The following MAMDC4 variants were observed in gnomAD, a reference collection of about 807,000 sequenced individuals.
The protein encoded by MAMDC4 is MAM domain containing 4.
In MAMDC4, 168 loss-of-function variants were observed where a neutral mutation model predicts 153.3. The observed-to-expected ratio is 1.10, with a 90% CI of 0.97 to 1.25. The LOEUF is 1.25. Among genes scored for constraint, MAMDC4 ranks in the 50% most tolerant of loss-of-function variants. The pLI, the probability that MAMDC4 is intolerant of heterozygous loss-of-function variation, is 0.00. For missense variants in MAMDC4, 1,701 were observed against 1,542.8 expected, an observed-to-expected ratio of 1.10 and a Z score of -1.72; for synonymous variants, 744 against 651.5, an observed-to-expected ratio of 1.14 and a Z score of -2.16.
In MAMDC4 at chr9:136,858,484, G is replaced by A. The variant is rs2131238878; in HGVS notation, c.2759G>A (p.Gly920Glu). The change falls in exon 22 of 27, where the codon GGG becomes GAG. Residue 920 changes from glycine (G) to glutamate (E), a missense_variant. Physicochemically the swap from Gly to Glu is moderately conservative, Grantham distance 98 (BLOSUM62 -2). Transcript: ENST00000317446. Reference protein sequence around the residue: ...GLGGYSWDWGGGATPSRYPQP... With the variant: ...GLGGYSWDWGEGATPSRYPQP... ...GGCGGATACAGCTGGGACTGGGGCGGGGGAGCCACCCCCTCTCGTTACCCC... is the reference window on the plus strand; with the variant it reads ...GGCGGATACAGCTGGGACTGGGGCGAGGGAGCCACCCCCTCTCGTTACCCC... 4 of 1,608,938 alleles carry A rather than the reference G, an allele frequency of 2.5e-6. No homozygotes were observed. Among genetic ancestry groups the A allele is most frequent in the African/African-American group, 1.3e-5 (1 of 74,986 alleles).
chr9:136,852,466 A>G lies in MAMDC4; in HGVS notation c.46+4A>G, dbSNP rs1204947942. 3.7e-6 allele frequency: 6 copies of G among 1,609,684 alleles called. No individual in the cohort carries two copies. The East Asian group carries it at 6.7e-5, about 18-fold the overall frequency. On this transcript the variant is annotated splice_donor_region_variant and intron_variant, in intron 1 of 26. Transcript: ENST00000317446. ...CCCGCCTTGGTCCTGTTCCTGGGTA[A>G]GTAGTCTGGTCCCACTCCTGAGGCA...
chr9:136,852,818 C>T (rs1473868189), intron 1 of MAMDC4, among the ~76,000 whole-genome samples: 2 of 152,198 alleles, frequency 1.3e-5, no homozygotes, highest in East Asian at 1.9e-4. Context: ...TCCCAGTGCC[C>T]AGTTCCCTGC....
chr9:136,854,410 G>A, intron 7 of MAMDC4, 74 bp downstream of exon 7: 1 of 1,494,264 alleles, frequency 6.7e-7, no homozygotes, highest in Non-Finnish European at 8.9e-7. Context: ...CACTCATCCA[G>A]GAGGGGGTGC....
At position 136,857,512 on chromosome 9, in the gene MAMDC4, G is replaced by C; in HGVS notation, c.2252G>C (p.Trp751Ser). The C allele has an allele frequency of 6.2e-7, 1 of 1,610,552 alleles. No individual in the cohort carries two copies. The highest frequency in any genetic ancestry group is 1.6e-4 in the Middle Eastern group (1 of 6,062). Residue 751 changes from tryptophan to serine, a missense_variant, in exon 18 of 27, where the codon TGG becomes TCG. By Grantham distance (177) the Trp-to-Ser change is radical. Coordinates refer to ENST00000317446, the MANE Select transcript of MAMDC4 (RefSeq NM_206920.3). ...CGFSPGGQGL[W>S]RRQANASGHA... ...TTCTCCCCTGGAGGCCAAGGTCTCT[G>C]GAGGCGGCAGGCCAATGCCTCGGGC...
Position 136,860,612 on chromosome 9 carries a change from A to G in MAMDC4, c.*9A>G. On this transcript the variant is annotated 3_prime_UTR_variant, in exon 27 of 27. Transcript: ENST00000317446. Reference sequence around the variant, plus strand: ...TCACCAGTGATCCGTAGACCACCCCAGACAAGGCCCCGCTTCCTCACGTGA... The same window carrying G: ...TCACCAGTGATCCGTAGACCACCCCGGACAAGGCCCCGCTTCCTCACGTGA... 1 of 1,613,286 alleles carries G rather than the reference A, an allele frequency of 6.2e-7. No homozygotes were observed. Among genetic ancestry groups the G allele is most frequent in the Non-Finnish European group, 8.5e-7 (1 of 1,179,836 alleles).
rs1449251915 is a variant in MAMDC4, at chr9:136,856,137, AGCCAGCCCCGAGGT to A, written c.1709_1720+2del. ...ACTCCACCTGGCTTATTATTTACAG[AGCCAGCCCCGAGGT>A]ACCGCCACACTCCGCAAGTTCCCTG... On this transcript the variant is annotated splice_donor_variant and coding_sequence_variant, in exon 14 of 27. Transcript: ENST00000317446. LOFTEE classifies it high-confidence loss of function. 1 of 1,612,048 alleles carries A rather than the reference AGCCAGCCCCGAGGT, an allele frequency of 6.2e-7. No individual in the cohort carries two copies. The highest frequency in any genetic ancestry group is 2.2e-5 in the East Asian group (1 of 44,874).
Position 136,860,013 on chromosome 9 carries a change from G to C in MAMDC4, c.3321G>C (p.Gln1107His). Residue 1107 changes from glutamine to histidine, a missense_variant, in exon 26 of 27, where the codon CAG becomes CAC. Gln to His is a conservative substitution (Grantham distance 24, BLOSUM62 0). Coordinates refer to ENST00000317446, the MANE Select transcript of MAMDC4 (RefSeq NM_206920.3). ...WLQKKGSCPF[Q>H]SNTEATAPGF... ...AGAAGAAGGGGAGCTGCCCCTTCCA[G>C]AGCAACACAGAGGCCACAGCCCCTG... 1 of 1,609,832 alleles carries C rather than the reference G, an allele frequency of 6.2e-7. No individual in the cohort carries two copies. The highest frequency in any genetic ancestry group is 8.5e-7 in the Non-Finnish European group (1 of 1,178,598).
At chr9:136,856,425 C>G in intron 14 of MAMDC4, 1 of 789,180 alleles carries the variant, frequency 1.3e-6, no homozygotes. Context: ...GGAGCGGGCC[C>G]TGACTTAACC....
intron 7 of MAMDC4, 64 bp from the exon 8 acceptor site, chr9:136,854,475 C>G: frequency 6.5e-7 from 1 of 1,547,522 alleles, no homozygotes; most frequent in Non-Finnish European, 8.7e-7. Context: ...CCCCCTGGAG[C>G]TGGGGCCATA....
Position 136,853,901 on chromosome 9 carries a change from C to A in MAMDC4, c.579C>A (p.Asp193Glu). ...LAVTTGRIRG[D>E]FRVTFSATRN... ...TGACCACAGGCCGCATCCGGGGTGA[C>A]TTCCGAGTGAGCTGGGAGGGTCTGG... The change falls in exon 5 of 27, where the codon GAC (aspartate) becomes GAA (glutamate). Residue 193 changes from aspartate (D) to glutamate (E), a missense_variant. By Grantham distance (45) the Asp-to-Glu change is conservative. Transcript: ENST00000317446. 1 of 1,612,658 alleles carries A rather than the reference C, an allele frequency of 6.2e-7. No individual in the cohort carries two copies. The highest frequency in any genetic ancestry group is 8.5e-7 in the Non-Finnish European group (1 of 1,179,802).
rs1848970123 is a variant in MAMDC4, at chr9:136,854,272, C to T, written c.732C>T (p.Pro244=). The T allele has an allele frequency of 1.9e-6, 3 of 1,610,080 alleles. No individual in the cohort carries two copies. The highest frequency in any genetic ancestry group is 2.2e-5 in the East Asian group (1 of 44,770). Residue 244 remains proline (P), a synonymous_variant, in exon 7 of 27, where the codon CCC becomes CCT. Transcript: ENST00000317446. ...HHCQNKVCVE[P]QQLCDGEDNC... is the part of the protein sequence containing the mutation. ...GCCAGAACAAGGTCTGCGTGGAGCC[C>T]CAGCAGCTGTGCGACGGGGAAGACA...
At position 136,854,770 on chromosome 9, in the gene MAMDC4, C is replaced by T. The variant is rs377443370; in HGVS notation, c.943C>T (p.Leu315=). 1 of 1,612,674 alleles carries T rather than the reference C, an allele frequency of 6.2e-7. No individual in the cohort carries two copies. Among genetic ancestry groups the T allele is most frequent in the Middle Eastern group, 1.6e-4 (1 of 6,084 alleles). The change falls in exon 9 of 27, where the codon CTG becomes TTG. Residue 315 remains leucine, a synonymous_variant. Transcript: ENST00000317446. ...CCCGTCCTTTCCCGCAGGCTCCTTC[C>T]TGGTCTCCGTGGCCGAGCCTGGCAC... is the stretch of plus-strand genomic sequence containing the variant. ...HSRNSAQGSF[L]VSVAEPGTPA...
chr9:136,859,332 G>T lies in MAMDC4; in HGVS notation c.3193+15G>T, dbSNP rs759283603. The T allele has an allele frequency of 2.5e-6, 4 of 1,598,362 alleles. No homozygotes were observed. Among genetic ancestry groups the T allele is most frequent in the Admixed American group, 1.7e-5 (1 of 57,740 alleles). ...CCCCAGCCCGGGTGAGCCCTGGGCT[G>T]CAGTGGAGGCACGGAGGAGGGCCCA... On this transcript the variant is annotated intron_variant, in intron 25 of 26. Coordinates refer to ENST00000317446, the MANE Select transcript of MAMDC4 (RefSeq NM_206920.3).
chr9:136,856,302 C>T (rs1344559151), intron 14 of MAMDC4, 153 bp downstream of exon 14: 2 of 1,245,112 alleles, frequency 1.6e-6, no homozygotes, highest in Non-Finnish European at 2.4e-6. Context: ...CGGGAGCTGG[C>T]ATGGCAGGCC....
intron 14 of MAMDC4, chr9:136,856,414 T>TGGAGC (rs1450736221): frequency 6.3e-6 from 5 of 792,694 alleles, no homozygotes; most frequent in African/African-American, 5.0e-5. Flanking sequence ...GGAGCTCCGC[T>TGGAGC]GGAGCGGGCC....
chr9:136,855,101 C>T lies in MAMDC4; in HGVS notation c.1188C>T (p.Tyr396=), dbSNP rs1323086840. 2 of 1,576,584 alleles carry T rather than the reference C, an allele frequency of 1.3e-6. No individual in the cohort carries two copies. The highest frequency in any genetic ancestry group is 3.7e-5 in the Admixed American group (2 of 53,606). ...VRDRVDIQSA[Y]PFQILLAGQT... ...ACCGTGTTGACATCCAGAGCGCCTA[C>T]CCCTTCCAGGTAGGGAACAGCAAGA... The change falls in exon 10 of 27, where the codon TAC becomes TAT. Residue 396 remains tyrosine, a synonymous_variant. Transcript: ENST00000317446.
In MAMDC4 at chr9:136,852,577, G is replaced by A. The variant is rs1453202787; in HGVS notation, c.46+115G>A. 4.7e-5 allele frequency: 64 copies of A among 1,349,764 alleles called. No individual in the cohort carries two copies. The East Asian group carries it at 1.4e-3, about 29-fold the overall frequency. The allele number at this position is 1,349,764 out of a possible 1,614,324, so 83.6% of individuals were successfully genotyped here. ...GATGCCTGAGCCCCAAAGGGAAGGA[G>A]GGTTGCAAGGTACTACCTTGGCCGG... On this transcript the variant is annotated intron_variant, in intron 1 of 26. Coordinates refer to ENST00000317446, the MANE Select transcript of MAMDC4 (RefSeq NM_206920.3).
At chr9:136,855,906 G>A in intron 13 of MAMDC4, 58 bp downstream of exon 13, 2 of 1,496,474 alleles carry the variant, frequency 1.3e-6, no homozygotes, top group African/African-American at 1.4e-5. Flanking sequence ...CGTCCTCAGA[G>A]GGGTCTCTGC....
At position 136,854,306 on chromosome 9, in the gene MAMDC4, G is replaced by T; in HGVS notation, c.766G>T (p.Asp256Tyr). ...GTGCGACGGGGAAGACAACTGCGGG[G>T]ACCTGTCTGATGAGAACCCACTCAC... ...QLCDGEDNCG[D>Y]LSDENPLTCG... Residue 256 changes from aspartate (D) to tyrosine (Y), a missense_variant, in exon 7 of 27, where the codon GAC becomes TAC. By Grantham distance (160) the Asp-to-Tyr change is radical. Coordinates refer to ENST00000317446, the MANE Select transcript of MAMDC4 (RefSeq NM_206920.3). 1 of 1,593,986 alleles carries T rather than the reference G, an allele frequency of 6.3e-7. No individual in the cohort carries two copies. Among genetic ancestry groups the T allele is most frequent in the East Asian group, 2.3e-5 (1 of 44,374 alleles).
Sources: allele counts gnomAD v4.1 joint callset (sites outside exome capture counted in the v4.1 genomes callset), GRCh38; gene constraint gnomAD v4.1.1; transcripts MANE v1.5; gene names NCBI Gene and HGNC (gene_info 2026-07-23, HGNC 2026-07-21).